CRIM1: variants seen among roughly 807,000 people sequenced by gnomAD.
CRIM1 encodes cysteine rich transmembrane BMP regulator 1.
In CRIM1, 32 loss-of-function variants were observed where a neutral mutation model predicts 116.4. That is an observed-to-expected ratio of 0.27 (90% CI 0.21 to 0.37). CRIM1 has a LOEUF of 0.37. CRIM1 is among the 10% of genes least tolerant of loss of function. The pLI is 1.00. For synonymous variants in CRIM1, 590 were observed against 509.2 expected (o/e 1.16, Z -2.13); for missense variants, 1,331 against 1,354.8 (o/e 0.98, Z 0.28).
intron 7 of CRIM1, among the ~76,000 whole-genome samples, chr2:36,484,247 C>A (rs1031534864): frequency 2.6e-5 from 4 of 152,318 alleles, no homozygotes; most frequent in Non-Finnish European, 5.9e-5. Flanking sequence ...ACGCCTTGTG[C>A]ATGGTGTAGG....
intron 1 of CRIM1, among the ~76,000 whole-genome samples, chr2:36,374,551 A>AT (rs1374583038): frequency 6.6e-6 from 1 of 152,118 alleles, no homozygotes; most frequent in African/African-American, 2.4e-5. Context: ...TATCAAATAC[A>AT]TTGTCCTATG....
At chr2:36,517,231 C>T in intron 11 of CRIM1, 96 bp from the exon 12 acceptor site, 3 of 890,682 alleles carry the variant, frequency 3.4e-6, no homozygotes, top group Middle Eastern at 2.3e-4. Flanking sequence ...CTTCACAGTT[C>T]ATCTCTTCTA....
intron 2 of CRIM1, among the ~76,000 whole-genome samples, chr2:36,419,436 A>C (rs1013503525): frequency 3.9e-5 from 6 of 152,230 alleles, no homozygotes; most frequent in African/African-American, 9.6e-5. Flanking sequence ...ACAAGAGCAC[A>C]TTTTATTGCC....
At chr2:36,437,850 C>T (rs1396025655) in intron 2 of CRIM1, among the ~76,000 whole-genome samples, 1 of 151,880 alleles carries the variant, frequency 6.6e-6, no homozygotes, top group African/African-American at 2.4e-5. Flanking sequence ...AGTGGGATAA[C>T]CAGCCGGGCG....
chr2:36,466,240 A>C (rs1678018569), intron 5 of CRIM1, among the ~76,000 whole-genome samples: 2 of 151,990 alleles, frequency 1.3e-5, no homozygotes, highest in Non-Finnish European at 2.9e-5. Context: ...AGTTCTGGAC[A>C]TTGGGGATGG....
intron 1 of CRIM1, chr2:36,378,533 A>T (rs79694107): frequency 3.0e-6 from 1 of 337,754 alleles, no homozygotes; most frequent in East Asian, 8.3e-5. Flanking sequence ...GCGGTAAGTC[A>T]TTTTTTTTTT....
intron 1 of CRIM1, among the ~76,000 whole-genome samples, chr2:36,389,692 C>T (rs988620342): frequency 1.3e-5 from 2 of 152,176 alleles, no homozygotes; most frequent in Non-Finnish European, 2.9e-5. Context: ...ATACAAATGC[C>T]TTCCACCTTC....
chr2:36,540,345 C>A (rs1000046863), intron 14 of CRIM1, among the ~76,000 whole-genome samples: 3 of 152,128 alleles, frequency 2.0e-5, no homozygotes, highest in Admixed American at 2.0e-4. Context: ...ATGCAACTCT[C>A]ATGCAGACCA....
chr2:36,436,487 A>T (rs541454298), intron 2 of CRIM1, among the ~76,000 whole-genome samples: 1 of 152,216 alleles, frequency 6.6e-6, no homozygotes, highest in Non-Finnish European at 1.5e-5. Flanking sequence ...TAGCTTTGAA[A>T]AATTAAAGTA....
intron 7 of CRIM1, among the ~76,000 whole-genome samples, chr2:36,482,641 A>G (rs550473925): frequency 6.6e-6 from 1 of 152,364 alleles, no homozygotes; most frequent in African/African-American, 2.4e-5. Flanking sequence ...GTTAGAGGAA[A>G]ACCAGAAACA....
At chr2:36,433,864 C>T (rs1675088346) in intron 2 of CRIM1, among the ~76,000 whole-genome samples, 1 of 152,048 alleles carries the variant, frequency 6.6e-6, no homozygotes, top group Non-Finnish European at 1.5e-5. Flanking sequence ...TTTTGACAAA[C>T]CACCAAGAAA....
intron 13 of CRIM1, among the ~76,000 whole-genome samples, chr2:36,534,737 G>A (rs893923877): frequency 6.6e-6 from 1 of 151,538 alleles, no homozygotes; most frequent in Non-Finnish European, 1.5e-5. Context: ...AAGATGGAAG[G>A]AAGGAAGGAA....
chr2:36,506,653 A>G (rs1681452478), intron 8 of CRIM1, among the ~76,000 whole-genome samples: 2 of 152,042 alleles, frequency 1.3e-5, no homozygotes, highest in Admixed American at 1.3e-4. Flanking sequence ...ATTGTTCATC[A>G]CTTTCTCTTC....
intron 7 of CRIM1, among the ~76,000 whole-genome samples, chr2:36,492,806 G>T (rs1680321294): frequency 6.6e-6 from 1 of 152,088 alleles, no homozygotes; most frequent in African/African-American, 2.4e-5. Context: ...CTACTCATTG[G>T]ATATTCACGT....
At chr2:36,395,387 A>C (rs1340806578) in intron 1 of CRIM1, among the ~76,000 whole-genome samples, 2 of 152,218 alleles carry the variant, frequency 1.3e-5, no homozygotes, top group East Asian at 3.8e-4. Context: ...ACTTTAAAAA[A>C]TTCTCTTCAG....
intron 16 of CRIM1, among the ~76,000 whole-genome samples, chr2:36,547,544 A>G (rs1667438758): frequency 6.6e-6 from 1 of 152,184 alleles, no homozygotes; most frequent in Non-Finnish European, 1.5e-5. Context: ...TAGAATTGGG[A>G]GAGAAAAAAA....
At chr2:36,368,558 A>G (rs1669746249) in intron 1 of CRIM1, among the ~76,000 whole-genome samples, 1 of 152,222 alleles carries the variant, frequency 6.6e-6, no homozygotes, top group Non-Finnish European at 1.5e-5. Context: ...ATTAGCAATC[A>G]GCTTGTTTGC....
chr2:36,503,323 T>A (rs1269606089), intron 8 of CRIM1, among the ~76,000 whole-genome samples: 4 of 152,188 alleles, frequency 2.6e-5, no homozygotes, highest in Non-Finnish European at 5.9e-5. Context: ...TAAAGGCAAG[T>A]TGCTTTACTT....
Position 36,440,306 on chromosome 2 carries a change from A to T in CRIM1, c.506-952A>T, listed in dbSNP as rs569854168. On this transcript the variant is annotated intron_variant, in intron 2 of 16. Transcript: ENST00000280527. ...TTTGGGTTTTACTTTAGGAAGACCA[A>T]TTAACACTTACGGAAACATTGCCTG... Among the ~76,000 whole-genome samples the T allele has an allele frequency of 5.3e-5, 8 of 152,364 alleles. No homozygotes were observed. The East Asian group carries it at 1.3e-3, about 26-fold the overall frequency.
Sources: allele counts gnomAD v4.1 joint callset (sites outside exome capture counted in the v4.1 genomes callset), GRCh38; gene constraint gnomAD v4.1.1; transcripts MANE v1.5; gene names NCBI Gene and HGNC (gene_info 2026-07-23, HGNC 2026-07-21).